Variants in CLOCK observed in about 807,000 individuals in gnomAD.
The protein encoded by CLOCK is circadian locomoter output cycles protein kaput.
CLOCK carries 43 observed loss-of-function variants against 118.4 expected under a neutral mutation model. That is an observed-to-expected ratio of 0.36 (90% CI 0.28 to 0.47). The LOEUF (loss-of-function observed/expected upper bound fraction) is 0.47, where lower values mean the gene tolerates loss of function less well. CLOCK is among the 20% of genes least tolerant of loss of function. The pLI is 1.00. For synonymous variants in CLOCK, 326 were observed against 339.2 expected (o/e 0.96, Z 0.43); for missense variants, 846 against 999.9 (o/e 0.85, Z 2.08).
At chr4:55,453,617 A>G (rs1441984275) in intron 14 of CLOCK, 60 bp downstream of exon 14, 5 of 1,495,848 alleles carry the variant, frequency 3.3e-6, no homozygotes, top group Non-Finnish European at 4.6e-6. Context: ...TAAAAGTTAC[A>G]ATGCCAAAAT....
chr4:55,449,547 T>A, intron 16 of CLOCK, 51 bp from the exon 17 acceptor site: 2 of 1,411,316 alleles, frequency 1.4e-6, no homozygotes, highest in Non-Finnish European at 2.0e-6. Context: ...AATATAGTTT[T>A]TAAAGATTAA....
At chr4:55,524,934 T>A (rs1730080014) in intron 1 of CLOCK, among the ~76,000 whole-genome samples, 1 of 149,762 alleles carries the variant, frequency 6.7e-6, no homozygotes, top group South Asian at 2.1e-4. Context: ...GCAAAAATCT[T>A]AAAAAAAAAA....
At position 55,453,743 on chromosome 4, in the gene CLOCK, T is replaced by C; in HGVS notation, c.1064A>G (p.Tyr355Cys). ...ATTCCACTGATGGTAAGTGATATAA[T>C]AATGAGTCTGAAGCCAAATCCACTG... ...GQQWIWLQTH[Y>C]YITYHQWNSR... Residue 355 changes from tyrosine to cysteine, a missense_variant, in exon 14 of 23, where the codon TAT (tyrosine) becomes TGT (cysteine). Physicochemically the swap from Tyr to Cys is radical, Grantham distance 194. Transcript: ENST00000513440. 6.2e-7 allele frequency: 1 copy of C among 1,611,018 alleles called. No individual in the cohort carries two copies. Among genetic ancestry groups the C allele is most frequent in the Non-Finnish European group, 8.5e-7 (1 of 1,178,012 alleles).
chr4:55,526,126 T>A (rs1730170456), intron 1 of CLOCK, among the ~76,000 whole-genome samples: 1 of 152,140 alleles, frequency 6.6e-6, no homozygotes, highest in South Asian at 2.1e-4. Context: ...ACGCTTCTAA[T>A]CCCAAGCATT....
In CLOCK at chr4:55,542,365, TAATAATAA is replaced by T. The variant is rs1731325718; in HGVS notation, c.-290+4409_-290+4416del. Among the ~76,000 whole-genome samples the T allele has an allele frequency of 2.3e-4, 15 of 66,534 alleles. No individual in the cohort carries two copies. In the South Asian group the frequency reaches 4.2e-3, roughly 18 times the overall value. 43.6% of individuals were successfully genotyped at this position (66,534 alleles called of 152,430 possible). A position where few individuals can be genotyped will look rare whatever the true frequency, so the allele number is the denominator to read the frequency against. On this transcript the variant is annotated intron_variant, in intron 1 of 22. Coordinates refer to ENST00000513440, the MANE Select transcript of CLOCK (RefSeq NM_004898.4). The stretch of plus-strand genomic sequence containing the variant: ...TCTCAAATAATAATAATAATAATAA[TAATAATAA>T]TAATAATATTATTATTATTATTATT...
At position 55,427,969 on chromosome 4, in the gene CLOCK, T is replaced by C. The variant is rs144778666; in HGVS notation, c.*7446A>G. 2.0e-5 allele frequency: 3 copies of C among 152,374 alleles called. No homozygotes were observed. Among genetic ancestry groups the C allele is most frequent in the African/African-American group, 7.2e-5 (3 of 41,588 alleles). 9.4% of individuals were successfully genotyped at this position (152,374 alleles called of 1,614,324 possible). On this transcript the variant is annotated 3_prime_UTR_variant, in exon 23 of 23. Transcript: ENST00000513440. The stretch of plus-strand genomic sequence containing the variant: ...TCCAAAATGTGATTCTTACAAGTTA[T>C]GTGCCACATGAAGCAGGTGTTATTT...
chr4:55,444,568 T>C, intron 19 of CLOCK, 65 bp downstream of exon 19: 3 of 1,602,704 alleles, frequency 1.9e-6, no homozygotes, highest in South Asian at 1.1e-5. Flanking sequence ...TTAAGAAAAG[T>C]TAATTTTCCT....
chr4:55,526,603 C>T (rs561940739), intron 1 of CLOCK, among the ~76,000 whole-genome samples: 1 of 152,074 alleles, frequency 6.6e-6, no homozygotes, highest in African/African-American at 2.4e-5. Flanking sequence ...AATCATACTA[C>T]TGTGTCTGCC....
chr4:55,482,905 A>G (rs2109913378), intron 3 of CLOCK, 77 bp from the exon 4 acceptor site: 1 of 668,912 alleles, frequency 1.5e-6, no homozygotes, highest in East Asian at 2.8e-5. Flanking sequence ...GAGAAATACT[A>G]TATGTTATCA....
intron 14 of CLOCK, 185 bp from the exon 15 acceptor site, chr4:55,453,314 A>G (rs1363601378): frequency 1.7e-5 from 10 of 586,246 alleles, no homozygotes; most frequent in Non-Finnish European, 3.1e-5. Flanking sequence ...GGTATCTTAA[A>G]GTTTCATACA....
At chr4:55,437,790 T>C (rs1288243627) in intron 22 of CLOCK, among the ~76,000 whole-genome samples, 1 of 152,192 alleles carries the variant, frequency 6.6e-6, no homozygotes, top group Admixed American at 6.5e-5. Context: ...ATACATATAC[T>C]TAGCTCATAG....
In CLOCK at chr4:55,491,230, G is replaced by A. The variant is rs1483382619; in HGVS notation, c.-135-1765C>T. Among the ~76,000 whole-genome samples, 3 of 101,026 alleles carry A rather than the reference G, an allele frequency of 3.0e-5. No homozygotes were observed. The East Asian group carries it at 9.5e-4, about 32-fold the overall frequency. 66.3% of individuals were successfully genotyped at this position (101,026 alleles called of 152,430 possible). A position where few individuals can be genotyped will look rare whatever the true frequency, so the allele number is the denominator to read the frequency against. ...AAAATGAAGAAAGATTCCTGCAGGTGTGCTAAAAAAAAAAAAAAAAAAAAA... is the reference window on the plus strand; with the variant it reads ...AAAATGAAGAAAGATTCCTGCAGGTATGCTAAAAAAAAAAAAAAAAAAAAA... On this transcript the variant is annotated intron_variant, in intron 2 of 22. Coordinates refer to ENST00000513440, the MANE Select transcript of CLOCK (RefSeq NM_004898.4).
intron 2 of CLOCK, among the ~76,000 whole-genome samples, chr4:55,504,186 T>C (rs369922236): frequency 6.8e-6 from 1 of 146,392 alleles, no homozygotes; most frequent in African/African-American, 2.5e-5. Context: ...TTCGGGACCC[T>C]GAGGCAGGAG....
chr4:55,503,874 G>C (rs1221025911), intron 2 of CLOCK, among the ~76,000 whole-genome samples: 2 of 147,356 alleles, frequency 1.4e-5, no homozygotes, highest in Admixed American at 1.4e-4. Context: ...CTAGAAAATT[G>C]TAACACTGCA....
intron 1 of CLOCK, among the ~76,000 whole-genome samples, chr4:55,526,270 TAAG>T (rs1001564581): frequency 1.3e-5 from 2 of 152,026 alleles, no homozygotes; most frequent in African/African-American, 4.8e-5. Flanking sequence ...AAATTTCAAC[TAAG>T]AAGAACAAAA....
intron 8 of CLOCK, among the ~76,000 whole-genome samples, chr4:55,470,414 G>A (rs1034367544): frequency 1.1e-4 from 16 of 152,308 alleles, no homozygotes; most frequent in African/African-American, 3.6e-4. Flanking sequence ...GCCTAAGTGC[G>A]TAGTAGGTTA....
chr4:55,501,629 T>G (rs11729220), intron 2 of CLOCK: 51,330 of 151,910 alleles, frequency 0.34, 9,360 homozygotes, highest in East Asian at 0.58. Context: ...GAGAAGAGGG[T>G]GAAAGAGTAG....
At chr4:55,479,926 A>G (rs1726800025) in intron 4 of CLOCK, among the ~76,000 whole-genome samples, 1 of 152,228 alleles carries the variant, frequency 6.6e-6, no homozygotes, top group South Asian at 2.1e-4. Flanking sequence ...ATACTTAGCT[A>G]TATTATGAAC....
intron 2 of CLOCK, among the ~76,000 whole-genome samples, chr4:55,496,321 C>T (rs963272663): frequency 1.1e-4 from 17 of 151,768 alleles, no homozygotes; most frequent in South Asian, 4.2e-4. Flanking sequence ...CTCAGTTTCT[C>T]TTCCTAGTAA....
Sources: gnomAD v4.1 joint callset for allele counts (sites outside exome capture counted in the v4.1 genomes callset) on GRCh38, gnomAD v4.1.1 for gene constraint, MANE v1.5 for transcripts, NCBI Gene and HGNC (gene_info 2026-07-23, HGNC 2026-07-21) for gene names.